CIBAR2: variants seen among roughly 807,000 people sequenced by gnomAD.
CIBAR2 encodes the protein CBY1 interacting BAR domain containing 2.
In CIBAR2, 38 loss-of-function variants were observed where a neutral mutation model predicts 36.2. The ratio of observed to expected loss-of-function variants is 1.05; its 90% CI spans 0.81 to 1.38. The LOEUF (loss-of-function observed/expected upper bound fraction) is 1.38. Ranked by LOEUF, CIBAR2 falls within the 40% of genes most tolerant of loss-of-function variation. CIBAR2 has a pLI of 0.00. For missense variants in CIBAR2, 481 were observed against 383.4 expected, an observed-to-expected ratio of 1.25 and a Z score of -2.13; for synonymous variants, 182 against 149.5, an observed-to-expected ratio of 1.22 and a Z score of -1.58.
intron 4 of CIBAR2, 58 bp downstream of exon 4, chr16:85,107,788 C>A: frequency 6.3e-7 from 1 of 1,578,358 alleles, no homozygotes; most frequent in Non-Finnish European, 8.7e-7. Context: ...CAGAAGACAT[C>A]AGTGTGAGTG....
intron 6 of CIBAR2, among the ~76,000 whole-genome samples, chr16:85,103,504 G>T (rs542068896): frequency 2.0e-5 from 3 of 152,266 alleles, no homozygotes; most frequent in Admixed American, 1.3e-4. Context: ...TTTAATCCCA[G>T]AACTTGAAAG....
At chr16:85,106,071 G>T (rs147297394) in intron 5 of CIBAR2, among the ~76,000 whole-genome samples, 1 of 152,218 alleles carries the variant, frequency 6.6e-6, no homozygotes, top group African/African-American at 2.4e-5. Flanking sequence ...ACAGCTGGGG[G>T]CTGGCATCTA....
chr16:85,104,542 C>A (rs972692705), intron 6 of CIBAR2, among the ~76,000 whole-genome samples: 1 of 152,098 alleles, frequency 6.6e-6, no homozygotes, highest in Non-Finnish European at 1.5e-5. Context: ...ACCACCTCCC[C>A]CCATCTCTAC....
In CIBAR2 at chr16:85,102,253, G is replaced by T; in HGVS notation, c.612C>A (p.Phe204Leu). 2 of 1,613,104 alleles carry T rather than the reference G, an allele frequency of 1.2e-6. No individual in the cohort carries two copies. Among genetic ancestry groups the T allele is most frequent in the Non-Finnish European group, 1.7e-6 (2 of 1,179,092 alleles). ...CCAGGTCATACTTCTCCAGGGTCTG[G>T]AAGGCGCTAGAATACACCTCCACCG... is the stretch of plus-strand genomic sequence containing the variant. ...AKAVEVYSSA[F>L]QTLEKYDLER... The change falls in exon 7 of 9, where the codon TTC becomes TTA. Residue 204 changes from phenylalanine to leucine, a missense_variant. Coordinates refer to ENST00000539556, the MANE Select transcript of CIBAR2 (RefSeq NM_198491.3).
At chr16:85,100,939 C>T (rs189646855) in intron 7 of CIBAR2, among the ~76,000 whole-genome samples, 3 of 151,850 alleles carry the variant, frequency 2.0e-5, no homozygotes, top group East Asian at 1.9e-4. Flanking sequence ...CCCAGCTACT[C>T]GGGAGGCGGA....
At position 85,110,308 on chromosome 16, in the gene CIBAR2, T is replaced by A. The variant is rs746725470; in HGVS notation, c.173A>T (p.Asn58Ile). ...QLVKQLIDFANSENPELRATM... is the reference protein window; with the variant it reads ...QLVKQLIDFAISENPELRATM... ...GGCCCGCAGCTCGGGGTTCTCGGAG[T>A]TGGCAAAGTCGATGAGCTGCTTGAC... Residue 58 changes from asparagine to isoleucine, a missense_variant, in exon 2 of 9, where the codon AAC becomes ATC. Asn to Ile is a moderately radical substitution (Grantham distance 149). Coordinates refer to ENST00000539556, the MANE Select transcript of CIBAR2 (RefSeq NM_198491.3). 2 of 1,611,880 alleles carry A rather than the reference T, an allele frequency of 1.2e-6. No homozygotes were observed. The highest frequency in any genetic ancestry group is 2.2e-5 in the South Asian group (2 of 90,912).
chr16:85,099,635 T>C (rs2073938662), intron 8 of CIBAR2, among the ~76,000 whole-genome samples: 1 of 151,108 alleles, frequency 6.6e-6, no homozygotes, highest in East Asian at 1.9e-4. Context: ...TTTTTTTTTT[T>C]TTTCCTGAGA....
At chr16:85,112,219 C>A in intron 1 of CIBAR2, 114 bp downstream of exon 1, 1 of 913,072 alleles carries the variant, frequency 1.1e-6, no homozygotes, top group East Asian at 2.5e-5. Flanking sequence ...CTCCCCTCAC[C>A]CCCAACCCCC....
At chr16:85,111,064 G>A (rs753609745) in intron 1 of CIBAR2, among the ~76,000 whole-genome samples, 8 of 152,034 alleles carry the variant, frequency 5.3e-5, no homozygotes, top group African/African-American at 4.8e-5. Context: ...CGCGATGACT[G>A]ATCCACCGCA....
At chr16:85,107,706 C>T (rs575322395) in intron 4 of CIBAR2, 34 bp from the exon 5 acceptor site, 1 of 1,613,714 alleles carries the variant, frequency 6.2e-7, no homozygotes, top group South Asian at 1.1e-5. Flanking sequence ...CCAAGTTAAG[C>T]CCAGGCAGCC....
At position 85,108,014 on chromosome 16, in the gene CIBAR2, G is replaced by C. The variant is rs375723278; in HGVS notation, c.324+17C>G. ...GCAAGACAGGGATGCCACCCACACC[G>C]AGGTGCCCCGGCTCACCCGTGTCTG... On this transcript the variant is annotated intron_variant, in intron 3 of 8. Transcript: ENST00000539556. 1 of 1,613,828 alleles carries C rather than the reference G, an allele frequency of 6.2e-7. No individual in the cohort carries two copies. The highest frequency in any genetic ancestry group is 8.5e-7 in the Non-Finnish European group (1 of 1,179,744).
intron 6 of CIBAR2, 48 bp downstream of exon 6, chr16:85,105,279 C>T (rs775581312): frequency 1.7e-6 from 2 of 1,168,092 alleles, no homozygotes; most frequent in Non-Finnish European, 1.3e-6. Flanking sequence ...CATGCACACA[C>T]ACACAAGGCA....
intron 7 of CIBAR2, among the ~76,000 whole-genome samples, chr16:85,101,002 T>C (rs756247303): frequency 3.9e-4 from 58 of 150,434 alleles, no homozygotes; most frequent in Non-Finnish European, 2.4e-4. Flanking sequence ...GCCGAGATAG[T>C]GCCACTGCAC....
chr16:85,108,117 C>CCAGG lies in CIBAR2; in HGVS notation c.256-22_256-19dup, dbSNP rs1261582966. 6.3e-7 allele frequency: 1 copy of CCAGG among 1,599,570 alleles called. No homozygotes were observed. The highest frequency in any genetic ancestry group is 1.3e-5 in the African/African-American group (1 of 74,472). Reference sequence around the variant, plus strand: ...CTCTCGACCTGGGGGAGCGGGGACACCAGGGGATCTGAGCGCAGGGTGCTG... The same window carrying CCAGG: ...CTCTCGACCTGGGGGAGCGGGGACACCAGGCAGGGGATCTGAGCGCAGGGTGCTG... On this transcript the variant is annotated intron_variant, in intron 2 of 8. Coordinates refer to ENST00000539556, the MANE Select transcript of CIBAR2 (RefSeq NM_198491.3).
At position 85,099,005 on chromosome 16, in the gene CIBAR2, G is replaced by C. The variant is rs1459376738; in HGVS notation, c.*180C>G. Reference sequence around the variant, plus strand: ...CACTCACAGAAATGCAAAATGCTCTGGAAAGTCTCAGCAACAGAATTGAAC... The same window carrying C: ...CACTCACAGAAATGCAAAATGCTCTCGAAAGTCTCAGCAACAGAATTGAAC... On this transcript the variant is annotated 3_prime_UTR_variant, in exon 9 of 9. Coordinates refer to ENST00000539556, the MANE Select transcript of CIBAR2 (RefSeq NM_198491.3). 4 of 665,170 alleles carry C rather than the reference G, an allele frequency of 6.0e-6. No individual in the cohort carries two copies. Among genetic ancestry groups the C allele is most frequent in the Non-Finnish European group, 6.7e-6 (3 of 446,724 alleles). 41.2% of individuals were successfully genotyped at this position (665,170 alleles called of 1,614,324 possible).
chr16:85,107,860 C>T lies in CIBAR2; in HGVS notation c.412G>A (p.Asp138Asn), dbSNP rs2074008700. 6.2e-6 allele frequency: 10 copies of T among 1,613,842 alleles called. No homozygotes were observed. The highest frequency in any genetic ancestry group is 2.7e-5 in the African/African-American group (2 of 75,044). ...LEKLRQKSPSDQQMISQAETR... is the reference protein window; with the variant it reads ...LEKLRQKSPSNQQMISQAETR... ...GGGAAGGATACGATCATTTGCTGATCCGAGGGTGACTTCTGCCTCAGTTTC... is the reference window on the plus strand; with the variant it reads ...GGGAAGGATACGATCATTTGCTGATTCGAGGGTGACTTCTGCCTCAGTTTC... Residue 138 changes from aspartate (D) to asparagine (N), a missense_variant, in exon 4 of 9, where the codon GAT becomes AAT. By Grantham distance (23) the Asp-to-Asn change is conservative. Coordinates refer to ENST00000539556, the MANE Select transcript of CIBAR2 (RefSeq NM_198491.3).
chr16:85,103,449 G>A (rs777753066), intron 6 of CIBAR2, among the ~76,000 whole-genome samples: 5 of 152,196 alleles, frequency 3.3e-5, no homozygotes, highest in Non-Finnish European at 5.9e-5. Flanking sequence ...CTTTTGAAAT[G>A]TGAAGGGCTT....
At chr16:85,106,328 C>T (rs1342371415) in intron 5 of CIBAR2, among the ~76,000 whole-genome samples, 5 of 152,082 alleles carry the variant, frequency 3.3e-5, no homozygotes, top group Non-Finnish European at 5.9e-5. Flanking sequence ...GATAAACGGC[C>T]CCCCAAAGAT....
chr16:85,103,280 G>A (rs1350609078), intron 6 of CIBAR2, among the ~76,000 whole-genome samples: 1 of 152,158 alleles, frequency 6.6e-6, no homozygotes, highest in Admixed American at 6.5e-5. Context: ...CTCGGATGCT[G>A]AATCTGCTGG....
Sources: gnomAD v4.1 joint callset for allele counts (sites outside exome capture counted in the v4.1 genomes callset) on GRCh38, gnomAD v4.1.1 for gene constraint, MANE v1.5 for transcripts, NCBI Gene and HGNC (gene_info 2026-07-23, HGNC 2026-07-21) for gene names.